Variants in GREP1 observed in about 807,000 individuals in gnomAD.
The protein encoded by GREP1 is glycine rich extracellular protein 1.
intron 26 of GREP1, chr16:2,999,195 G>T: frequency 2.5e-6 from 1 of 398,846 alleles, no homozygotes; most frequent in Middle Eastern, 6.3e-4. Flanking sequence ...CCTGCCCCAT[G>T]GCATCTGCAG....
chr16:2,990,380 G>A (rs1191859791), intron 5 of GREP1, 172 bp from the exon 6 acceptor site: 1 of 398,852 alleles, frequency 2.5e-6, no homozygotes, highest in African/African-American at 2.1e-5. Context: ...TGGGGGAGCT[G>A]GAAGCCAGGA....
rs1160617135 is a variant in GREP1, at chr16:2,995,334, G to A, written c.517+18G>A. 3.5e-5 allele frequency: 14 copies of A among 398,796 alleles called. No homozygotes were observed. The highest frequency in any genetic ancestry group is 1.3e-4 in the South Asian group (1 of 7,866). The allele number at this position is 398,796 out of a possible 1,614,324, so 24.7% of individuals were successfully genotyped here. Reference sequence around the variant, plus strand: ...GGAGCCAGGTAAGCCTGGCTCTCCCGGGCTTCTGTCTCCCCAGTGTTCAGA... The same window carrying A: ...GGAGCCAGGTAAGCCTGGCTCTCCCAGGCTTCTGTCTCCCCAGTGTTCAGA... On this transcript the variant is annotated intron_variant, in intron 14 of 34. Transcript: ENST00000573315.
chr16:3,000,861 A>T, intron 33 of GREP1, 34 bp downstream of exon 27: 1 of 398,890 alleles, frequency 2.5e-6, no homozygotes, highest in Non-Finnish European at 4.4e-6. Flanking sequence ...TGTTGGGGCC[A>T]TTAGAGGTGG....
Position 2,995,656 on chromosome 16 carries a change from T to A in GREP1, c.589+2T>A, listed in dbSNP as rs1434033881. 1 of 398,568 alleles carries A rather than the reference T, an allele frequency of 2.5e-6. No homozygotes were observed. The highest frequency in any genetic ancestry group is 3.6e-5 in the East Asian group (1 of 28,058). 24.7% of individuals were successfully genotyped at this position (398,568 alleles called of 1,614,324 possible). A position where few individuals can be genotyped will look rare whatever the true frequency, so the allele number is the denominator to read the frequency against. On this transcript the variant is annotated splice_donor_variant, in intron 16 of 34. Coordinates refer to ENST00000573315, the Ensembl canonical transcript of GREP1. LOFTEE classifies it high-confidence loss of function. ...AGAACCGATTTGGATTTGGAGCAGG[T>A]AGGAGCAGGGGTGGGGAGGGGCTGG...
chr16:2,995,200 AGCTGGGGTCCAGAT>A, intron 13 of GREP1, 70 bp from the exon 15 acceptor site: 1 of 396,960 alleles, frequency 2.5e-6, no homozygotes, highest in South Asian at 1.4e-4. Flanking sequence ...GGATGGGAGG[AGCTGGGGTCCAGAT>A]GCTGGGGTTC....
intron 10 of GREP1, 83 bp from the exon 12 acceptor site, chr16:2,994,615 G>A: frequency 2.5e-6 from 1 of 398,660 alleles, no homozygotes; most frequent in Non-Finnish European, 4.4e-6. Flanking sequence ...CGTTGAAGTT[G>A]GGGGTGGGGA....
Position 2,991,201 on chromosome 16 carries a change from G to A in GREP1, c.322+100G>A. ...CCAGGAGCTGGGAGAGCTGGGCTCTGGAGGGAGGGCAGGGCTCAGCCACTC... is the reference window on the plus strand; with the variant it reads ...CCAGGAGCTGGGAGAGCTGGGCTCTAGAGGGAGGGCAGGGCTCAGCCACTC... On this transcript the variant is annotated intron_variant, in intron 8 of 34. Coordinates refer to ENST00000573315, the Ensembl canonical transcript of GREP1. This position sits in a 1 kb window ranked among gnomAD's most constrained non-coding sequence, Gnocchi z 4.9. The A allele has an allele frequency of 2.5e-6, 1 of 398,752 alleles. No individual in the cohort carries two copies. Among genetic ancestry groups the A allele is most frequent in the Non-Finnish European group, 4.4e-6 (1 of 226,038 alleles). 24.7% of individuals were successfully genotyped at this position (398,752 alleles called of 1,614,324 possible). A position where few individuals can be genotyped will look rare whatever the true frequency, so the allele number is the denominator to read the frequency against.
exon 21 of GREP1, chr16:2,997,056 A>G (rs147157962): frequency 3.0e-5 from 12 of 398,962 alleles, no homozygotes; most frequent in African/African-American, 2.5e-4. Context: ...TCACCAGGCT[A>G]TTTGGGGGTT....
rs2072416526 is a variant in GREP1 at position 2,994,844 on chromosome 16, C to A, written c.448+6C>A. ...CGTCAAACCCCAGAAGCCAGGTGAG[C>A]CCTGCCCCGGCCTGTCCCTCTGCCT... On this transcript the variant is annotated splice_donor_region_variant and intron_variant, in intron 12 of 34. Coordinates refer to ENST00000573315, the Ensembl canonical transcript of GREP1. The A allele has an allele frequency of 2.5e-6, 1 of 399,282 alleles. No individual in the cohort carries two copies. The highest frequency in any genetic ancestry group is 1.3e-4 in the South Asian group (1 of 7,862). 24.7% of individuals were successfully genotyped at this position (399,282 alleles called of 1,614,324 possible). A position where few individuals can be genotyped will look rare whatever the true frequency, so the allele number is the denominator to read the frequency against.
rs1021040238 is a variant in GREP1, at chr16:2,992,107, C to T, written c.323-698C>T. On this transcript the variant is annotated intron_variant, in intron 8 of 34. Coordinates refer to ENST00000573315, the Ensembl canonical transcript of GREP1. The surrounding 1 kb of genome is among the most constrained non-coding windows in gnomAD (Gnocchi z 4.9). ...TCTGCTTCCTCCTTCTACTCGGTCT[C>T]CCAAGATCTGGTGATGGGAATGGGA... 6.6e-6 allele frequency: 1 copy of T among 152,646 alleles called. No individual in the cohort carries two copies. 9.5% of individuals were successfully genotyped at this position (152,646 alleles called of 1,614,324 possible).
At chr16:2,997,431 TG>T in intron 22 of GREP1, 1 of 398,840 alleles carries the variant, frequency 2.5e-6, no homozygotes, top group Non-Finnish European at 4.4e-6. Flanking sequence ...ACTGGGGGGC[TG>T]GAGTTGCTGG....
In GREP1 at chr16:2,991,225, T is replaced by C. The variant is rs1008321389; in HGVS notation, c.322+124T>C. Reference sequence around the variant, plus strand: ...TGGAGGGAGGGCAGGGCTCAGCCACTCTGTCCCTTCCCAGGCCTGGGAGTG... The same window carrying C: ...TGGAGGGAGGGCAGGGCTCAGCCACCCTGTCCCTTCCCAGGCCTGGGAGTG... On this transcript the variant is annotated intron_variant, in intron 8 of 34. Coordinates refer to ENST00000573315, the Ensembl canonical transcript of GREP1. This position sits in a 1 kb window ranked among gnomAD's most constrained non-coding sequence, Gnocchi z 4.9. 5.0e-6 allele frequency: 2 copies of C among 397,610 alleles called. No individual in the cohort carries two copies. The highest frequency in any genetic ancestry group is 8.9e-6 in the Non-Finnish European group (2 of 225,576). The allele number at this position is 397,610 out of a possible 1,614,324, so 24.6% of individuals were successfully genotyped here. A position where few individuals can be genotyped will look rare whatever the true frequency, so the allele number is the denominator to read the frequency against.
Position 2,997,095 on chromosome 16 carries a change from G to GC in GREP1, c.886+14dup. The GC allele has an allele frequency of 2.5e-6, 1 of 398,886 alleles. No individual in the cohort carries two copies. 24.7% of individuals were successfully genotyped at this position (398,886 alleles called of 1,614,324 possible). A position where few individuals can be genotyped will look rare whatever the true frequency, so the allele number is the denominator to read the frequency against. On this transcript the variant is annotated intron_variant, in intron 21 of 34. Coordinates refer to ENST00000573315, the Ensembl canonical transcript of GREP1. ...AAGGCCCAGAAGCCAGGTGAGCCCT[G>GC]CCCCGCCTGTCCCTCTGCCTCCCCC...
At chr16:2,995,868 A>T (rs993883463) in exon 18 of GREP1, 5 of 397,986 alleles carry the variant, frequency 1.3e-5, no homozygotes, top group African/African-American at 1.0e-4. Context: ...ATATGGGAAA[A>T]GGCTGAGAGC....
At chr16:2,999,831 G>C in intron 27 of GREP1, 71 bp from the exon 25 acceptor site, 1 of 398,974 alleles carries the variant, frequency 2.5e-6, no homozygotes, top group Non-Finnish European at 4.4e-6. Flanking sequence ...GAGTCCCTAA[G>C]GTCGATCTTT....
At position 2,992,608 on chromosome 16, in the gene GREP1, G is replaced by C. The variant is rs1006931551; in HGVS notation, c.323-197G>C. The C allele has an allele frequency of 7.7e-6, 3 of 388,402 alleles. No individual in the cohort carries two copies. The highest frequency in any genetic ancestry group is 4.1e-5 in the African/African-American group (2 of 48,444). 24.1% of individuals were successfully genotyped at this position (388,402 alleles called of 1,614,324 possible). On this transcript the variant is annotated intron_variant, in intron 8 of 34. Transcript: ENST00000573315. The surrounding 1 kb of genome is among the most constrained non-coding windows in gnomAD (Gnocchi z 4.9). ...CATGGAGGACACCCAAGCTGGTCAA[G>C]GGTGGCCACGGTCTGGACTCCCGGG...
intron 27 of GREP1, 87 bp from the exon 25 acceptor site, chr16:2,999,815 C>T (rs1031886550): frequency 2.5e-6 from 1 of 398,816 alleles, no homozygotes; most frequent in Non-Finnish European, 4.4e-6. Flanking sequence ...CTCTGCTTCC[C>T]CTTCAGAGTC....
intron 7 of GREP1, among the ~76,000 whole-genome samples, chr16:2,990,805 G>A (rs969611230): frequency 6.6e-6 from 1 of 152,128 alleles, no homozygotes; most frequent in Non-Finnish European, 1.5e-5. Context: ...GGGGACAGGG[G>A]CACCTGGGCC....
At chr16:2,993,192 G>C (rs980651718) in intron 10 of GREP1, 3 of 356,236 alleles carry the variant, frequency 8.4e-6, no homozygotes, top group Non-Finnish European at 5.0e-6. Context: ...GTAGGGGCCT[G>C]GCCCTGGTCC....
Sources: allele counts gnomAD v4.1 joint callset (sites outside exome capture counted in the v4.1 genomes callset), GRCh38; gene constraint gnomAD v4.1.1; non-coding constraint Gnocchi (gnomAD v3.1); transcripts MANE v1.5; gene names NCBI Gene and HGNC (gene_info 2026-07-23, HGNC 2026-07-21).